The following MPP7 variants were observed in gnomAD, a reference collection of about 807,000 sequenced individuals.
MPP7 encodes the protein MAGUK p55 subfamily member 7.
MPP7 carries 60 observed loss-of-function variants against 76.5 expected under a neutral mutation model. That is an observed-to-expected ratio of 0.78 (90% confidence interval 0.64 to 0.97). The LOEUF is 0.97. Among genes scored for constraint, MPP7 ranks in the 50% least tolerant of loss-of-function variants. MPP7 has a pLI of 0.00. For synonymous variants in MPP7, 237 were observed against 244.5 expected (o/e 0.97, Z 0.29); for missense variants, 641 against 694.0 (o/e 0.92, Z 0.86).
chr10:28,295,263 AAC>A (rs1327033953), intron 1 of MPP7, among the ~76,000 whole-genome samples: 13 of 152,164 alleles, frequency 8.5e-5, no homozygotes, highest in African/African-American at 2.9e-4. Flanking sequence ...AAGAAACGAA[AAC>A]AGTGTTAGTT....
chr10:28,093,120 A>C (rs1419861446), intron 11 of MPP7, among the ~76,000 whole-genome samples: 1 of 152,140 alleles, frequency 6.6e-6, no homozygotes, highest in Non-Finnish European at 1.5e-5. Flanking sequence ...TCTAACAACA[A>C]AAGTTAGAAT....
chr10:28,101,635 T>A (rs112542673), intron 11 of MPP7, among the ~76,000 whole-genome samples: 4 of 152,100 alleles, frequency 2.6e-5, no homozygotes, highest in African/African-American at 9.7e-5. Flanking sequence ...GAGTGACTTT[T>A]CAGGAAATTA....
intron 10 of MPP7, 55 bp downstream of exon 10, chr10:28,120,139 G>T: frequency 6.5e-7 from 1 of 1,530,034 alleles, no homozygotes; most frequent in Non-Finnish European, 8.9e-7. Flanking sequence ...ATGATATTTT[G>T]CAGAGAACAA....
chr10:28,151,633 C>A (rs1273625375), intron 3 of MPP7, among the ~76,000 whole-genome samples: 6 of 152,142 alleles, frequency 3.9e-5, no homozygotes, highest in African/African-American at 1.2e-4. Context: ...GTAACATAGT[C>A]TTTAATGAGT....
intron 12 of MPP7, among the ~76,000 whole-genome samples, chr10:28,076,536 T>TGC (rs981097918): frequency 1.8e-4 from 26 of 147,196 alleles, no homozygotes; most frequent in Non-Finnish European, 2.2e-4. Flanking sequence ...CCCACACACA[T>TGC]GCGCGCACAC....
intron 3 of MPP7, among the ~76,000 whole-genome samples, chr10:28,175,255 ACTCCAGCCTGGGTAACAG>A (rs1282351683): frequency 6.6e-6 from 1 of 151,628 alleles, no homozygotes; most frequent in African/African-American, 2.4e-5. Context: ...GCATCATTGC[ACTCCAGCCTGGGTAACAG>A]AGTGAGATGT....
chr10:28,282,425 T>C (rs1840700369), intron 1 of MPP7, among the ~76,000 whole-genome samples: 1 of 151,992 alleles, frequency 6.6e-6, no homozygotes. Flanking sequence ...CTCTGAGACA[T>C]TCAAATATCC....
intron 2 of MPP7, among the ~76,000 whole-genome samples, chr10:28,309,648 T>C (rs1841277920): frequency 6.6e-6 from 1 of 152,196 alleles, no homozygotes; most frequent in African/African-American, 2.4e-5. Flanking sequence ...ATTAACAACC[T>C]GATATCATTT....
At chr10:28,061,388 A>T (rs1357204460) in intron 13 of MPP7, among the ~76,000 whole-genome samples, 1 of 152,066 alleles carries the variant, frequency 6.6e-6, no homozygotes, top group Non-Finnish European at 1.5e-5. Flanking sequence ...GTAGAAATGA[A>T]AAATAAAAAT....
At chr10:28,149,275 C>T (rs1435154015) in intron 4 of MPP7, among the ~76,000 whole-genome samples, 2 of 152,148 alleles carry the variant, frequency 1.3e-5, no homozygotes, top group Admixed American at 1.3e-4. Context: ...AACCAGCCTT[C>T]GCACTAAACA....
At chr10:28,310,107 T>G (rs1381136697) in intron 2 of MPP7, among the ~76,000 whole-genome samples, 3 of 150,544 alleles carry the variant, frequency 2.0e-5, no homozygotes, top group Non-Finnish European at 2.9e-5. Context: ...GTTCAAGCAA[T>G]TCTCCTACCT....
chr10:28,287,047 A>G (rs1197601127), intron 1 of MPP7, among the ~76,000 whole-genome samples: 1 of 152,222 alleles, frequency 6.6e-6, no homozygotes, highest in East Asian at 1.9e-4. Context: ...TTTTGTTTAT[A>G]GAATATCATT....
intron 3 of MPP7, among the ~76,000 whole-genome samples, chr10:28,159,068 C>T (rs977841919): frequency 6.6e-6 from 1 of 152,084 alleles, no homozygotes; most frequent in Non-Finnish European, 1.5e-5. Flanking sequence ...GAGATGACCA[C>T]AAAGGAATAC....
Position 28,056,473 on chromosome 10 carries a change from T to A in MPP7, c.1551+7A>T. On this transcript the variant is annotated splice_region_variant and intron_variant, in intron 16 of 16. Transcript: ENST00000683449. ...CACACCTGGCCCCCAAGCATCATTA[T>A]ACTTACTGTGAAGGGTTTTGCAGCA... 1 of 1,611,202 alleles carries A rather than the reference T, an allele frequency of 6.2e-7. No individual in the cohort carries two copies. The highest frequency in any genetic ancestry group is 8.5e-7 in the Non-Finnish European group (1 of 1,179,332).
At position 28,116,128 on chromosome 10, in the gene MPP7, A is replaced by G. The variant is rs116944159; in HGVS notation, c.952+3523T>C. Among the ~76,000 whole-genome samples, 1,307 of 152,194 alleles carry G rather than the reference A, an allele frequency of 8.6e-3. 16 individuals are homozygous for G. Among genetic ancestry groups the G allele is most frequent in the Non-Finnish European group, 0.014 (943 of 67,970 alleles). ...ACTACCTGAATAACAGCTTTTTCTT[A>G]CTCCTTTCTGAAGACAATATATACT... is the stretch of plus-strand genomic sequence containing the variant. On this transcript the variant is annotated intron_variant, in intron 11 of 16. Transcript: ENST00000683449.
At chr10:28,276,855 T>C (rs1564751680) in intron 1 of MPP7, among the ~76,000 whole-genome samples, 1 of 152,036 alleles carries the variant, frequency 6.6e-6, no homozygotes, top group East Asian at 1.9e-4. Context: ...GCCCTATCGT[T>C]TGACTGTGCC....
At chr10:28,188,007 A>G (rs1302773780) in intron 3 of MPP7, among the ~76,000 whole-genome samples, 1 of 152,226 alleles carries the variant, frequency 6.6e-6, no homozygotes, top group Non-Finnish European at 1.5e-5. Flanking sequence ...TTGGAGAAAT[A>G]AAACTTCAAA....
At chr10:28,273,910 G>C (rs1320030418) in intron 1 of MPP7, among the ~76,000 whole-genome samples, 1 of 152,004 alleles carries the variant, frequency 6.6e-6, no homozygotes, top group Non-Finnish European at 1.5e-5. Context: ...TGAAAGGATT[G>C]CTTGAGCCCA....
intron 5 of MPP7, among the ~76,000 whole-genome samples, chr10:28,134,205 T>G (rs538980339): frequency 2.2e-4 from 34 of 152,288 alleles, no homozygotes; most frequent in African/African-American, 7.2e-4. Flanking sequence ...TAGTCTAAAT[T>G]TGGCCATTCC....
Sources: gnomAD v4.1 joint callset for allele counts (sites outside exome capture counted in the v4.1 genomes callset) on GRCh38, gnomAD v4.1.1 for gene constraint, MANE v1.5 for transcripts, NCBI Gene and HGNC (gene_info 2026-07-23, HGNC 2026-07-21) for gene names.